The following GRM7 variants were observed in gnomAD, a reference collection of about 807,000 sequenced individuals.
The protein encoded by GRM7 is metabotropic glutamate receptor 7.
In GRM7, 35 loss-of-function variants were observed where a neutral mutation model predicts 84.5. The observed-to-expected ratio is 0.41, with a 90% CI of 0.32 to 0.55. GRM7 has a LOEUF of 0.55. GRM7 is among the 20% of genes least tolerant of loss of function. GRM7 has a pLI of 0.19. For synonymous variants in GRM7, 487 were observed against 455.1 expected, an observed-to-expected ratio of 1.07 and a Z score of -0.89; for missense variants, 1,003 against 1,194.6, an observed-to-expected ratio of 0.84 and a Z score of 2.36.
At chr3:6,927,479 A>AGAGAG (rs1697345399) in intron 1 of GRM7, among the ~76,000 whole-genome samples, 1 of 79,018 alleles carries the variant, frequency 1.3e-5, no homozygotes, top group Non-Finnish European at 3.7e-5. Flanking sequence ...GAAAGAAAGA[A>AGAGAG]AGAAAGAAAG....
intron 1 of GRM7, among the ~76,000 whole-genome samples, chr3:7,111,037 TA>T (rs775760845): frequency 6.6e-5 from 10 of 151,890 alleles, no homozygotes; most frequent in Non-Finnish European, 1.5e-4. Flanking sequence ...TTCAAGTCAT[TA>T]AAACAACTTG....
intron 1 of GRM7, among the ~76,000 whole-genome samples, chr3:6,957,399 T>C (rs1158305991): frequency 1.3e-5 from 2 of 152,088 alleles, no homozygotes; most frequent in Non-Finnish European, 2.9e-5. Flanking sequence ...CCAGAACGAG[T>C]GTTCCCTGAG....
intron 1 of GRM7, among the ~76,000 whole-genome samples, chr3:7,101,216 G>T (rs747496832): frequency 2.6e-5 from 4 of 151,432 alleles, no homozygotes; most frequent in Non-Finnish European, 5.9e-5. Flanking sequence ...TTTTATTCCC[G>T]CAGACAATCC....
At chr3:6,905,651 A>T (rs936459779) in intron 1 of GRM7, among the ~76,000 whole-genome samples, 1 of 152,054 alleles carries the variant, frequency 6.6e-6, no homozygotes, top group African/African-American at 2.4e-5. Flanking sequence ...GAAAACCTTT[A>T]TTTTGTTTCT....
chr3:7,324,665 G>C (rs9990013), intron 4 of GRM7, among the ~76,000 whole-genome samples: 1 of 151,770 alleles, frequency 6.6e-6, no homozygotes, highest in Admixed American at 6.6e-5. Flanking sequence ...TCTGAGCATT[G>C]TTATTTCTTC....
chr3:7,587,344 AC>A (rs1695565067), intron 8 of GRM7, among the ~76,000 whole-genome samples: 1 of 152,218 alleles, frequency 6.6e-6, no homozygotes, highest in South Asian at 2.1e-4. Context: ...ACTCTCTACC[AC>A]ATGGTAAATG....
intron 1 of GRM7, among the ~76,000 whole-genome samples, chr3:7,071,555 T>C (rs904938269): frequency 5.9e-5 from 9 of 152,080 alleles, no homozygotes; most frequent in African/African-American, 2.2e-4. Flanking sequence ...GAGCCATATC[T>C]AAGAGATAGA....
intron 9 of GRM7, among the ~76,000 whole-genome samples, chr3:7,724,898 G>C (rs910966804): frequency 6.6e-6 from 1 of 152,128 alleles, no homozygotes; most frequent in Non-Finnish European, 1.5e-5. Flanking sequence ...CAAGTAGCTG[G>C]GACCACAGGC....
At chr3:7,042,950 A>G (rs1451974071) in intron 1 of GRM7, among the ~76,000 whole-genome samples, 1 of 152,186 alleles carries the variant, frequency 6.6e-6, no homozygotes, top group Non-Finnish European at 1.5e-5. Flanking sequence ...ACTTAAAGAC[A>G]GTTTCATCCT....
intron 1 of GRM7, among the ~76,000 whole-genome samples, chr3:6,895,075 C>CT (rs1696126311): frequency 6.6e-6 from 1 of 152,148 alleles, no homozygotes; most frequent in Non-Finnish European, 1.5e-5. Flanking sequence ...GGTTCTTGCT[C>CT]TTTGTCTATG....
chr3:7,330,287 A>G (rs773894119), intron 4 of GRM7, among the ~76,000 whole-genome samples: 6 of 152,112 alleles, frequency 3.9e-5, no homozygotes, highest in Non-Finnish European at 8.8e-5. Context: ...GTATAAGGAA[A>G]AGTCTGTCAC....
chr3:7,356,129 G>C (rs1263353363), intron 4 of GRM7, among the ~76,000 whole-genome samples: 5 of 152,082 alleles, frequency 3.3e-5, no homozygotes, highest in Admixed American at 2.0e-4. Context: ...ATGGACTGTA[G>C]CTAATGCTTT....
intron 2 of GRM7, among the ~76,000 whole-genome samples, chr3:7,221,723 C>T (rs1164533253): frequency 6.7e-6 from 1 of 149,202 alleles, no homozygotes; most frequent in Admixed American, 6.7e-5. Flanking sequence ...TTCTTTGTAT[C>T]TTTTGCTATG....
At chr3:7,722,225 C>T (rs1359317406) in intron 9 of GRM7, among the ~76,000 whole-genome samples, 1 of 152,166 alleles carries the variant, frequency 6.6e-6, no homozygotes, top group Non-Finnish European at 1.5e-5. Context: ...TTTCCATATG[C>T]ATTCAGAAGA....
At chr3:6,961,345 A>T (rs1267218339) in intron 1 of GRM7, among the ~76,000 whole-genome samples, 1 of 152,152 alleles carries the variant, frequency 6.6e-6, no homozygotes, top group Non-Finnish European at 1.5e-5. Context: ...TCTTCTTGTC[A>T]TAATCATTCC....
intron 7 of GRM7, among the ~76,000 whole-genome samples, chr3:7,533,718 C>G (rs1701130731): frequency 6.6e-6 from 1 of 152,142 alleles, no homozygotes; most frequent in Non-Finnish European, 1.5e-5. Context: ...TTGTTGAAAT[C>G]AATAGGAGAC....
At chr3:7,247,028 T>C (rs576654494) in intron 2 of GRM7, among the ~76,000 whole-genome samples, 123 of 152,276 alleles carry the variant, frequency 8.1e-4, no homozygotes, top group Middle Eastern at 6.8e-3. Context: ...TGATTTTCTA[T>C]GAAGGCACCA....
intron 7 of GRM7, among the ~76,000 whole-genome samples, chr3:7,480,221 C>T (rs1210509041): frequency 3.3e-5 from 5 of 152,152 alleles, no homozygotes; most frequent in Admixed American, 6.5e-5. Flanking sequence ...TGCACAACTC[C>T]GCTAGGCCCC....
intron 4 of GRM7, among the ~76,000 whole-genome samples, chr3:7,318,753 A>G (rs1369364346): frequency 1.3e-5 from 2 of 152,056 alleles, no homozygotes; most frequent in Non-Finnish European, 2.9e-5. Flanking sequence ...TTTAAGTAGA[A>G]ACTGTTTTTT....
Sources: allele counts gnomAD v4.1 joint callset (sites outside exome capture counted in the v4.1 genomes callset), GRCh38; gene constraint gnomAD v4.1.1; transcripts MANE v1.5; gene names NCBI Gene and HGNC (gene_info 2026-07-23, HGNC 2026-07-21).